RORA: variants seen among roughly 807,000 people sequenced by gnomAD.
RORA encodes nuclear receptor ROR-alpha.
Under a neutral mutation model 69.5 loss-of-function variants are expected in RORA, and 7 were observed. The observed-to-expected ratio is 0.10, with a 90% CI of 0.06 to 0.19. The LOEUF is 0.19. Among genes scored for constraint, RORA ranks in the 10% least tolerant of loss-of-function variants. The pLI is 1.00. For synonymous variants in RORA, 261 were observed against 240.8 expected (o/e 1.08, Z -0.78); for missense variants, 457 against 663.0 (o/e 0.69, Z 3.41).
chr15:60,632,262 C>T (rs905126034), intron 2 of RORA, among the ~76,000 whole-genome samples: 1 of 152,070 alleles, frequency 6.6e-6, no homozygotes, highest in African/African-American at 2.4e-5. Flanking sequence ...CCTGCCACTA[C>T]ACCCAGGTAA....
In RORA at chr15:60,678,808, C is replaced by A. The variant is rs537120696; in HGVS notation, c.167-122G>T. On this transcript the variant is annotated intron_variant, in intron 1 of 10. Transcript: ENST00000335670. ...TCAGATGGGGAAGTGGAAGCAAGAC[C>A]AGTTTTAACATTGCACAGGAGTGTC... is the stretch of plus-strand genomic sequence containing the variant. 32 of 780,070 alleles carry A rather than the reference C, an allele frequency of 4.1e-5. No individual in the cohort carries two copies. The African/African-American group carries it at 5.3e-4, about 13-fold the overall frequency. 48.3% of individuals were successfully genotyped at this position (780,070 alleles called of 1,614,324 possible).
chr15:60,801,647 G>GC (rs1051065664), intron 1 of RORA, among the ~76,000 whole-genome samples: 4 of 152,174 alleles, frequency 2.6e-5, no homozygotes, highest in African/African-American at 9.7e-5. Flanking sequence ...GGCCTCAAAT[G>GC]CCCCCAGTGC....
chr15:61,225,425 G>A (rs1804330550), intron 1 of RORA, among the ~76,000 whole-genome samples: 1 of 152,136 alleles, frequency 6.6e-6, no homozygotes, highest in Non-Finnish European at 1.5e-5. Flanking sequence ...GGGCAAGAGA[G>A]GCCACGCACT....
chr15:61,141,585 G>A (rs1452585905), intron 1 of RORA, among the ~76,000 whole-genome samples: 1 of 152,166 alleles, frequency 6.6e-6, no homozygotes, highest in East Asian at 1.9e-4. Flanking sequence ...AAAGACTTTA[G>A]AAAAGGCGTC....
intron 1 of RORA, among the ~76,000 whole-genome samples, chr15:61,182,591 T>C (rs1188517103): frequency 2.6e-5 from 4 of 152,174 alleles, no homozygotes; most frequent in Non-Finnish European, 4.4e-5. Flanking sequence ...GAATGAACCA[T>C]GACAAAGGCT....
chr15:60,763,554 A>G (rs139852227), intron 1 of RORA, among the ~76,000 whole-genome samples: 79 of 152,272 alleles, frequency 5.2e-4, no homozygotes, highest in African/African-American at 1.8e-3. Flanking sequence ...TTCCAAGAGA[A>G]CCCAGTCATT....
At chr15:60,872,591 A>T (rs2073569118) in intron 1 of RORA, among the ~76,000 whole-genome samples, 1 of 152,152 alleles carries the variant, frequency 6.6e-6, no homozygotes, top group African/African-American at 2.4e-5. Flanking sequence ...GAGTGGAATC[A>T]CTTCTCTATT....
chr15:60,759,286 G>GACAAC (rs1374372676), intron 1 of RORA, among the ~76,000 whole-genome samples: 5 of 152,190 alleles, frequency 3.3e-5, no homozygotes, highest in Non-Finnish European at 7.4e-5. Flanking sequence ...TTTGAGGGTG[G>GACAAC]ACAACACAAC....
intron 1 of RORA, among the ~76,000 whole-genome samples, chr15:60,878,322 C>T (rs1193790393): frequency 4.4e-5 from 5 of 112,682 alleles, no homozygotes; most frequent in Admixed American, 3.7e-4. Flanking sequence ...CCAGCCTGGG[C>T]GAAAGAGCAA....
intron 1 of RORA, among the ~76,000 whole-genome samples, chr15:60,759,426 G>T (rs1389440884): frequency 6.6e-6 from 1 of 152,120 alleles, no homozygotes; most frequent in East Asian, 1.9e-4. Flanking sequence ...GGGGACATGG[G>T]GGCCAACTCT....
intron 2 of RORA, among the ~76,000 whole-genome samples, chr15:60,538,235 T>G (rs761794448): frequency 3.9e-5 from 6 of 151,988 alleles, no homozygotes; most frequent in Non-Finnish European, 8.8e-5. Context: ...GCACTGGGAG[T>G]CAATTCAGCT....
At chr15:61,197,597 CT>C (rs1487536699) in intron 1 of RORA, among the ~76,000 whole-genome samples, 10 of 152,172 alleles carry the variant, frequency 6.6e-5, no homozygotes, top group African/African-American at 2.4e-4. Context: ...TAGGTAACCT[CT>C]CATTCTAAAC....
chr15:60,745,346 G>C (rs1436187756), intron 1 of RORA, among the ~76,000 whole-genome samples: 1 of 152,178 alleles, frequency 6.6e-6, no homozygotes, highest in African/African-American at 2.4e-5. Context: ...CCCAGGATCC[G>C]CATCTTCCTG....
intron 1 of RORA, among the ~76,000 whole-genome samples, chr15:60,979,285 TTTTTTTC>T (rs1485565318): frequency 4.3e-5 from 6 of 138,594 alleles, no homozygotes; most frequent in East Asian, 2.0e-4. Context: ...TTTTTTTTTT[TTTTTTTC>T]CAAGAATATT....
chr15:60,797,745 A>G, intron 1 of RORA, among the ~76,000 whole-genome samples: 1 of 152,154 alleles, frequency 6.6e-6, no homozygotes, highest in Non-Finnish European at 1.5e-5. Context: ...GTTGACAAGA[A>G]GCAGCAGTGG....
At chr15:61,138,139 T>C (rs565347892) in intron 1 of RORA, among the ~76,000 whole-genome samples, 2 of 152,288 alleles carry the variant, frequency 1.3e-5, no homozygotes, top group South Asian at 4.1e-4. Context: ...CTCACATGCT[T>C]GGAATAGGAT....
intron 1 of RORA, among the ~76,000 whole-genome samples, chr15:61,173,290 C>T (rs772554924): frequency 1.3e-5 from 2 of 152,174 alleles, no homozygotes; most frequent in Non-Finnish European, 2.9e-5. Context: ...CCAGATCTGT[C>T]TTCAAAGTCC....
intron 5 of RORA, among the ~76,000 whole-genome samples, chr15:60,506,285 T>G (rs2065497731): frequency 3.9e-5 from 6 of 152,140 alleles, no homozygotes; most frequent in Admixed American, 6.5e-5. Flanking sequence ...AAATGGTACC[T>G]ATTTCACAGG....
intron 1 of RORA, among the ~76,000 whole-genome samples, chr15:61,041,855 T>G (rs940869299): frequency 6.6e-6 from 1 of 152,236 alleles, no homozygotes; most frequent in Non-Finnish European, 1.5e-5. Flanking sequence ...GTCAGTCAGT[T>G]TCATGTGTGT....
Sources: allele counts gnomAD v4.1 joint callset (sites outside exome capture counted in the v4.1 genomes callset), GRCh38; gene constraint gnomAD v4.1.1; transcripts MANE v1.5; gene names NCBI Gene and HGNC (gene_info 2026-07-23, HGNC 2026-07-21).